Variants in NHSL1 observed in about 807,000 individuals in gnomAD.
NHSL1 encodes NHS like 1.
Under a neutral mutation model 95.0 loss-of-function variants are expected in NHSL1, and 48 were observed. That is an observed-to-expected ratio of 0.51 (90% CI 0.40 to 0.64). The LOEUF (loss-of-function observed/expected upper bound fraction) is 0.64, where lower values mean the gene tolerates loss of function less well. NHSL1 is among the 30% of genes least tolerant of loss of function. The pLI is 0.00. For synonymous variants in NHSL1, 783 were observed against 833.9 expected, an observed-to-expected ratio of 0.94 and a Z score of 1.05; for missense variants, 1,971 against 2,077.7, an observed-to-expected ratio of 0.95 and a Z score of 1.00.
intron 2 of NHSL1, among the ~76,000 whole-genome samples, chr6:138,475,508 G>A (rs944992986): frequency 8.5e-5 from 13 of 152,184 alleles, no homozygotes; most frequent in African/African-American, 2.2e-4. Context: ...GATTATAGCC[G>A]TGAGCCACTG....
rs982412286 is a variant in NHSL1, at chr6:138,447,796, C to T, written c.340-603G>A. Among the ~76,000 whole-genome samples the T allele has an allele frequency of 5.3e-5, 8 of 152,028 alleles. No individual in the cohort carries two copies. In the South Asian group the frequency reaches 8.3e-4, roughly 16 times the overall value. The stretch of plus-strand genomic sequence containing the variant: ...AAAAAAAAATTTTAAAAAGAAAGTT[C>T]GTGGGTTTAGTTTAACATTAGAAGC... On this transcript the variant is annotated intron_variant, in intron 3 of 7. Transcript: ENST00000343505.
rs1224090102 is a variant in NHSL1 at position 138,608,147 on chromosome 6, G to C, written c.96+84329C>G. On this transcript the variant is annotated intron_variant, in intron 1 of 3. Coordinates refer to the NHSL1 transcript ENST00000491526. ...ACACTTTCTCAAAGGACATATTTTAGCTCGCGAGAGGATAAATCTTACTAA... is the reference window on the plus strand; with the variant it reads ...ACACTTTCTCAAAGGACATATTTTACCTCGCGAGAGGATAAATCTTACTAA... Among the ~76,000 whole-genome samples, 4 of 152,228 alleles carry C rather than the reference G, an allele frequency of 2.6e-5. No homozygotes were observed. In the South Asian group the frequency reaches 8.3e-4, roughly 32 times the overall value.
intron 1 of NHSL1, among the ~76,000 whole-genome samples, chr6:138,683,780 T>C (rs1034706233): frequency 6.6e-6 from 1 of 152,182 alleles, no homozygotes; most frequent in African/African-American, 2.4e-5. Flanking sequence ...GGCAAACAAG[T>C]TATTTGTGCC....
intron 3 of NHSL1, among the ~76,000 whole-genome samples, chr6:138,454,208 C>T (rs976614638): frequency 4.7e-5 from 7 of 148,794 alleles, no homozygotes; most frequent in Non-Finnish European, 7.5e-5. Flanking sequence ...TGTGTGCGTG[C>T]GTGCATAAAC....
intron 1 of NHSL1, among the ~76,000 whole-genome samples, chr6:138,518,798 G>A (rs541518715): frequency 1.1e-4 from 16 of 152,150 alleles, no homozygotes; most frequent in African/African-American, 3.4e-4. Flanking sequence ...CCAGCAGATC[G>A]CCTGAGGTCA....
At chr6:138,537,678 C>T (rs1412922878) in intron 1 of NHSL1, among the ~76,000 whole-genome samples, 19 of 152,128 alleles carry the variant, frequency 1.2e-4, no homozygotes, top group Admixed American at 7.9e-4. Flanking sequence ...ATATGATTAA[C>T]GGATAGAGTT....
chr6:138,530,116 G>C (rs930547788), intron 1 of NHSL1, among the ~76,000 whole-genome samples: 1 of 152,188 alleles, frequency 6.6e-6, no homozygotes, highest in Admixed American at 6.5e-5. Flanking sequence ...CCAATGTGAT[G>C]GTATTAGGAG....
chr6:138,629,201 G>A (rs1299530314), intron 1 of NHSL1, among the ~76,000 whole-genome samples: 1 of 152,142 alleles, frequency 6.6e-6, no homozygotes, highest in African/African-American at 2.4e-5. Flanking sequence ...GGGAGACAAT[G>A]GTATCTGCTG....
At chr6:138,426,548 T>A (rs1056727422) in intron 7 of NHSL1, among the ~76,000 whole-genome samples, 25 of 152,212 alleles carry the variant, frequency 1.6e-4, no homozygotes, top group Non-Finnish European at 3.5e-4. Context: ...TAGCCATAAT[T>A]GGTCAGGCAT....
At chr6:138,541,633 T>G (rs973421224) in intron 1 of NHSL1, among the ~76,000 whole-genome samples, 2 of 152,246 alleles carry the variant, frequency 1.3e-5, no homozygotes, top group African/African-American at 2.4e-5. Context: ...TGCAACTGTT[T>G]AAATTTTTGG....
chr6:138,531,643 G>A (rs559674733), intron 1 of NHSL1, among the ~76,000 whole-genome samples: 3 of 152,038 alleles, frequency 2.0e-5, no homozygotes, highest in African/African-American at 7.2e-5. Flanking sequence ...GAGACTACAG[G>A]TATGTGCCAC....
intron 1 of NHSL1, among the ~76,000 whole-genome samples, chr6:138,651,443 TAA>T (rs1259369582): frequency 6.6e-6 from 1 of 152,236 alleles, no homozygotes; most frequent in Non-Finnish European, 1.5e-5. Flanking sequence ...TACATCATTT[TAA>T]GTTATGACAC....
chr6:138,609,774 A>G (rs1032251415), intron 1 of NHSL1, among the ~76,000 whole-genome samples: 4 of 149,676 alleles, frequency 2.7e-5, no homozygotes, highest in Non-Finnish European at 5.9e-5. Context: ...AAATAGTGCT[A>G]TCCATGTCAT....
intron 1 of NHSL1, among the ~76,000 whole-genome samples, chr6:138,528,702 T>C (rs543780847): frequency 2.0e-5 from 3 of 152,350 alleles, no homozygotes; most frequent in Admixed American, 1.3e-4. Flanking sequence ...ATATTTAATA[T>C]GGATGGATTC....
intron 2 of NHSL1, among the ~76,000 whole-genome samples, chr6:138,476,637 G>T (rs556627044): frequency 6.6e-6 from 1 of 152,048 alleles, no homozygotes; most frequent in East Asian, 1.9e-4. Flanking sequence ...GACCAGCCTG[G>T]CCAACACAGA....
Position 138,430,892 on chromosome 6 carries a change from G to T in NHSL1, c.3453C>A (p.Gly1151=). ...PAKSSSQGDH[G]SAAERGGPVS... ...CAGGGCCACCACGCTCAGCCGCACT[G>T]CCATGGTCACCCTGACTCGAGCTCT... The change falls in exon 6 of 8, where the codon GGC becomes GGA. Residue 1151 remains glycine (G), a synonymous_variant. Transcript: ENST00000343505. The surrounding 1 kb of genome is among the most constrained non-coding windows in gnomAD (Gnocchi z 4.7). The T allele has an allele frequency of 6.4e-7, 1 of 1,551,486 alleles. No individual in the cohort carries two copies.
intron 1 of NHSL1, among the ~76,000 whole-genome samples, chr6:138,623,540 C>G (rs57351266): frequency 0.17 from 25,634 of 152,002 alleles, 2,929 homozygotes; most frequent in African/African-American, 0.32. Flanking sequence ...ATTTAAAGGT[C>G]TACTCTCTCA....
At position 138,563,035 on chromosome 6, in the gene NHSL1, C is replaced by T. The variant is rs376208251; in HGVS notation, c.202+8675G>A. Among the ~76,000 whole-genome samples, 8 of 152,290 alleles carry T rather than the reference C, an allele frequency of 5.3e-5. No homozygotes were observed. In the East Asian group the frequency reaches 5.8e-4, roughly 11 times the overall value. ...AGTTATTAAGTCCTTGATGCCAAAA[C>T]GCCCTAGGTGCTTTCAATGTCATTT... is the stretch of plus-strand genomic sequence containing the variant. On this transcript the variant is annotated intron_variant, in intron 1 of 6. Transcript: ENST00000427025.
chr6:138,472,994 A>C (rs1562305826), intron 3 of NHSL1, among the ~76,000 whole-genome samples: 2 of 152,238 alleles, frequency 1.3e-5, no homozygotes, highest in Non-Finnish European at 2.9e-5. Flanking sequence ...TGAGATGCAC[A>C]AATACACTGA....
Sources: allele counts gnomAD v4.1 joint callset (sites outside exome capture counted in the v4.1 genomes callset), GRCh38; gene constraint gnomAD v4.1.1; non-coding constraint Gnocchi (gnomAD v3.1); transcripts MANE v1.5; gene names NCBI Gene and HGNC (gene_info 2026-07-23, HGNC 2026-07-21).